Variants in HECW1 observed in about 807,000 individuals in gnomAD.
The protein encoded by HECW1 is E3 ubiquitin-protein ligase HECW1.
A neutral mutation model predicts 182.3 loss-of-function variants in HECW1; 61 were observed. The observed-to-expected ratio is 0.33, with a 90% confidence interval of 0.27 to 0.41. The LOEUF (loss-of-function observed/expected upper bound fraction) is 0.41, where lower values mean the gene tolerates loss of function less well. Among genes scored for constraint, HECW1 ranks in the 10% least tolerant of loss-of-function variants. The probability of loss-of-function intolerance (pLI) is 1.00; values close to 1 mark genes in which losing one functional copy is unlikely to be tolerated. For synonymous variants in HECW1, 859 were observed against 832.6 expected (o/e 1.03, Z -0.55); for missense variants, 1,739 against 2,108.9 (o/e 0.82, Z 3.44).
chr7:43,201,380 C>T (rs1333855244), intron 2 of HECW1, among the ~76,000 whole-genome samples: 2 of 152,172 alleles, frequency 1.3e-5, no homozygotes, highest in Non-Finnish European at 2.9e-5. Context: ...AGAGAATTAC[C>T]TCTGTGCATG....
chr7:43,401,036 T>C (rs2075387343), intron 7 of HECW1, among the ~76,000 whole-genome samples: 1 of 152,210 alleles, frequency 6.6e-6, no homozygotes, highest in Non-Finnish European at 1.5e-5. Context: ...TGCACTCACC[T>C]GGACAGTCCA....
At chr7:43,258,596 T>C (rs948855489) in intron 3 of HECW1, 4 of 152,180 alleles carry the variant, frequency 2.6e-5, no homozygotes, top group Non-Finnish European at 5.9e-5. Context: ...AATGGGAATA[T>C]AGACAACCAG....
At position 43,564,254 on chromosome 7, in the gene HECW1, C is replaced by T. The variant is rs1242839821; in HGVS notation, c.*2328C>T. 1 of 190,264 alleles carries T rather than the reference C, an allele frequency of 5.3e-6. No individual in the cohort carries two copies. Among genetic ancestry groups the T allele is most frequent in the Non-Finnish European group, 1.1e-5 (1 of 90,596 alleles). The allele number at this position is 190,264 out of a possible 1,614,324, so 11.8% of individuals were successfully genotyped here. A position where few individuals can be genotyped will look rare whatever the true frequency, so the allele number is the denominator to read the frequency against. ...ACTTGGTGTTATATATATGTAAATA[C>T]TCATTAATTCAAGCACTCTCTTTCT... On this transcript the variant is annotated 3_prime_UTR_variant, in exon 30 of 30. Transcript: ENST00000395891.
intron 5 of HECW1, among the ~76,000 whole-genome samples, chr7:43,353,935 G>A (rs766783703): frequency 4.6e-5 from 7 of 152,162 alleles, no homozygotes; most frequent in Non-Finnish European, 8.8e-5. Context: ...GCACCATGCC[G>A]TGGAAAGCTT....
chr7:43,389,933 C>T (rs1400736825), intron 6 of HECW1, among the ~76,000 whole-genome samples: 1 of 152,096 alleles, frequency 6.6e-6, no homozygotes, highest in Non-Finnish European at 1.5e-5. Flanking sequence ...CACCTGGCCC[C>T]CTCATTATTT....
chr7:43,156,731 C>T (rs1228981176), intron 2 of HECW1, among the ~76,000 whole-genome samples: 3 of 152,134 alleles, frequency 2.0e-5, no homozygotes, highest in Non-Finnish European at 4.4e-5. Context: ...GCCCTGTTCA[C>T]CTTAGGCGTG....
intron 2 of HECW1, among the ~76,000 whole-genome samples, chr7:43,216,101 A>C (rs1562687117): frequency 6.6e-6 from 1 of 152,166 alleles, no homozygotes; most frequent in South Asian, 2.1e-4. Flanking sequence ...ATAAGATGAA[A>C]GCTGAGTCTG....
At chr7:43,503,969 A>G (rs969903013) in intron 21 of HECW1, among the ~76,000 whole-genome samples, 2 of 152,116 alleles carry the variant, frequency 1.3e-5, no homozygotes, top group Admixed American at 6.5e-5. Context: ...AGTGGTGGCC[A>G]TTGGTTCCCT....
intron 2 of HECW1, among the ~76,000 whole-genome samples, chr7:43,125,302 G>A (rs1786088244): frequency 6.6e-6 from 1 of 152,134 alleles, no homozygotes; most frequent in Non-Finnish European, 1.5e-5. Flanking sequence ...TTCTATGAAT[G>A]GAAAAAGACC....
At chr7:43,514,382 T>G (rs1371217876) in intron 24 of HECW1, among the ~76,000 whole-genome samples, 1 of 151,254 alleles carries the variant, frequency 6.6e-6, no homozygotes, top group Non-Finnish European at 1.5e-5. Flanking sequence ...CTCCACCTCC[T>G]GGTTCAAGCA....
intron 3 of HECW1, among the ~76,000 whole-genome samples, chr7:43,250,148 T>TAC (rs3216963): frequency 4.0e-5 from 6 of 151,294 alleles, no homozygotes; most frequent in East Asian, 1.9e-4. Flanking sequence ...CACACACACA[T>TAC]ACACACACAC....
chr7:43,480,651 G>T (rs1253835812), intron 17 of HECW1, among the ~76,000 whole-genome samples: 1 of 151,264 alleles, frequency 6.6e-6, no homozygotes, highest in East Asian at 1.9e-4. Flanking sequence ...ATATGTGTGT[G>T]TGTGTGTATA....
chr7:43,198,287 A>C (rs947504114), intron 2 of HECW1, among the ~76,000 whole-genome samples: 1 of 144,252 alleles, frequency 6.9e-6, no homozygotes, highest in African/African-American at 2.6e-5. Flanking sequence ...CTCACACACC[A>C]CACACATTCG....
At chr7:43,189,880 T>A (rs1313751092) in intron 2 of HECW1, among the ~76,000 whole-genome samples, 1 of 152,190 alleles carries the variant, frequency 6.6e-6, no homozygotes, top group African/African-American at 2.4e-5. Context: ...GTATATAGAA[T>A]ACAGTAGCAG....
rs187381207 is a variant in HECW1 at position 43,133,807 on chromosome 7, T to A, written c.-32+19416T>A. Among the ~76,000 whole-genome samples, 545 of 152,316 alleles carry A rather than the reference T, an allele frequency of 3.6e-3. 2 individuals are homozygous for A. Among genetic ancestry groups the A allele is most frequent in the African/African-American group, 0.013 (533 of 41,584 alleles). ...TTGTTTTCAAATATATGTATATTTTTAATAATACAGTTTTCATGAGTGTCT... is the reference window on the plus strand; with the variant it reads ...TTGTTTTCAAATATATGTATATTTTAAATAATACAGTTTTCATGAGTGTCT... On this transcript the variant is annotated intron_variant, in intron 2 of 29. Coordinates refer to ENST00000395891, the MANE Select transcript of HECW1 (RefSeq NM_015052.5).
intron 24 of HECW1, among the ~76,000 whole-genome samples, chr7:43,520,399 CCT>C (rs1223237157): frequency 4.6e-4 from 70 of 152,136 alleles, no homozygotes; most frequent in African/African-American, 1.6e-3. Flanking sequence ...ACACCATCTG[CCT>C]CTCCCGGGCA....
chr7:43,314,136 C>T lies in HECW1; in HGVS notation c.352+2049C>T, dbSNP rs530243600. On this transcript the variant is annotated intron_variant, in intron 4 of 29. Transcript: ENST00000395891. The stretch of plus-strand genomic sequence containing the variant: ...GCCCAGATCTAGTTTTGAGTCAACT[C>T]AAGGGCATCTTCCCGCAGCTGGTGA... Among the ~76,000 whole-genome samples, 8 of 152,160 alleles carry T rather than the reference C, an allele frequency of 5.3e-5. No homozygotes were observed. In the South Asian group the frequency reaches 1.5e-3, roughly 28 times the overall value.
At chr7:43,246,787 C>A (rs117486174) in intron 3 of HECW1, among the ~76,000 whole-genome samples, 2,931 of 152,204 alleles carry the variant, frequency 0.019, 42 homozygotes, top group Non-Finnish European at 0.028. Flanking sequence ...AGAGAACTAA[C>A]GTTTGTGACA....
rs186642178 is a variant in HECW1 at position 43,173,601 on chromosome 7, T to C, written c.-32+59210T>C. 3.3e-5 allele frequency among the ~76,000 whole-genome samples: 5 copies of C among 152,268 alleles called. No individual in the cohort carries two copies. In the East Asian group the frequency reaches 7.7e-4, roughly 24 times the overall value. On this transcript the variant is annotated intron_variant, in intron 2 of 29. Transcript: ENST00000395891. Reference sequence around the variant, plus strand: ...AAGGAGCATGCAACCTAGATCCCTCTCATGCGCAGTTCACAGTGGGGTTCA... The same window carrying C: ...AAGGAGCATGCAACCTAGATCCCTCCCATGCGCAGTTCACAGTGGGGTTCA...
Sources: gnomAD v4.1 joint callset for allele counts (sites outside exome capture counted in the v4.1 genomes callset) on GRCh38, gnomAD v4.1.1 for gene constraint, MANE v1.5 for transcripts, NCBI Gene and HGNC (gene_info 2026-07-23, HGNC 2026-07-21) for gene names.